LDLRAD4: variants seen among roughly 807,000 people sequenced by gnomAD.
LDLRAD4 encodes low density lipoprotein receptor class A domain containing 4.
A neutral mutation model predicts 17.0 loss-of-function variants in LDLRAD4; 5 were observed. The observed-to-expected ratio is 0.29, with a 90% CI of 0.15 to 0.62. The LOEUF (loss-of-function observed/expected upper bound fraction) is 0.62. Ranked by LOEUF, LDLRAD4 falls within the 20% of genes least tolerant of loss-of-function variation. The pLI is 0.84. For synonymous variants in LDLRAD4, 168 were observed against 171.8 expected (o/e 0.98, Z 0.17); for missense variants, 340 against 424.7 (o/e 0.80, Z 1.75).
At chr18:13,533,858 G>A (rs1363277542) in intron 3 of LDLRAD4, among the ~76,000 whole-genome samples, 3 of 152,146 alleles carry the variant, frequency 2.0e-5, no homozygotes, top group South Asian at 2.1e-4. Context: ...GTAAAGGACC[G>A]GGGAGACTTG....
At chr18:13,597,368 C>T (rs577380679) in intron 3 of LDLRAD4, among the ~76,000 whole-genome samples, 2 of 152,196 alleles carry the variant, frequency 1.3e-5, no homozygotes, top group Admixed American at 6.5e-5. Context: ...GCATTTTTAC[C>T]ATGATGTGCC....
At chr18:13,612,172 G>A (rs1026202442) in intron 3 of LDLRAD4, 164 of 987,084 alleles carry the variant, frequency 1.7e-4, no homozygotes, top group Non-Finnish European at 2.0e-4. Context: ...GGACTGGTTT[G>A]ATATTTGCCT....
intron 3 of LDLRAD4, among the ~76,000 whole-genome samples, chr18:13,458,575 A>G (rs1477424686): frequency 6.6e-6 from 1 of 152,252 alleles, no homozygotes; most frequent in African/African-American, 2.4e-5. Context: ...GGTAGGCAGA[A>G]TAATGCCCCC....
chr18:13,375,821 C>G (rs1312304550), intron 1 of LDLRAD4, among the ~76,000 whole-genome samples: 1 of 152,160 alleles, frequency 6.6e-6, no homozygotes, highest in African/African-American at 2.4e-5. Flanking sequence ...CTCGTTTCCT[C>G]CCGCCCGCCA....
chr18:13,361,444 G>C (rs2083663042), intron 1 of LDLRAD4, among the ~76,000 whole-genome samples: 1 of 152,168 alleles, frequency 6.6e-6, no homozygotes, highest in Non-Finnish European at 1.5e-5. Context: ...AGCATTCTGA[G>C]TACTTCTTGT....
At chr18:13,567,355 C>T (rs1039343466) in intron 3 of LDLRAD4, among the ~76,000 whole-genome samples, 2 of 152,160 alleles carry the variant, frequency 1.3e-5, no homozygotes, top group African/African-American at 4.8e-5. Context: ...AGATGAGGGG[C>T]TTGTTGACCT....
chr18:13,276,163 C>A (rs2044855638), upstream of LDLRAD4, among the ~76,000 whole-genome samples: 1 of 152,106 alleles, frequency 6.6e-6, no homozygotes, highest in South Asian at 2.1e-4. Flanking sequence ...TGTGCACCAC[C>A]ACGCTCAGCT....
chr18:13,482,511 T>A (rs1196376506), intron 3 of LDLRAD4, among the ~76,000 whole-genome samples: 1 of 152,214 alleles, frequency 6.6e-6, no homozygotes, highest in Non-Finnish European at 1.5e-5. Flanking sequence ...AGTATTTCAG[T>A]TCCCCCCATC....
chr18:13,610,308 G>T (rs2039422615), intron 3 of LDLRAD4, among the ~76,000 whole-genome samples: 1 of 33,322 alleles, frequency 3.0e-5, no homozygotes, highest in Non-Finnish European at 6.6e-5. Context: ...TTTTTTTTGA[G>T]ACGGAGTCTC....
intron 2 of LDLRAD4, among the ~76,000 whole-genome samples, chr18:13,423,862 C>T (rs936900838): frequency 6.6e-6 from 1 of 152,034 alleles, no homozygotes; most frequent in Non-Finnish European, 1.5e-5. Context: ...AGGCCTGGTG[C>T]GATGGCTCAT....
At chr18:13,332,827 G>A (rs1004968744) in intron 1 of LDLRAD4, among the ~76,000 whole-genome samples, 9 of 151,926 alleles carry the variant, frequency 5.9e-5, no homozygotes, top group Admixed American at 4.6e-4. Context: ...GAAAGACATG[G>A]TAGTTACTTC....
intron 3 of LDLRAD4, chr18:13,616,301 A>T (rs1217524008): frequency 6.6e-6 from 1 of 151,512 alleles, no homozygotes; most frequent in African/African-American, 2.4e-5. Context: ...AAAGGGGGTC[A>T]TGGAGGGAGA....
chr18:13,575,140 T>C (rs533822580), intron 3 of LDLRAD4, among the ~76,000 whole-genome samples: 1 of 152,230 alleles, frequency 6.6e-6, no homozygotes. Context: ...GAAAGTTATT[T>C]AGTGGTGATT....
At chr18:13,623,054 C>G (rs1199323520) in intron 4 of LDLRAD4, among the ~76,000 whole-genome samples, 1 of 152,262 alleles carries the variant, frequency 6.6e-6, no homozygotes, top group African/African-American at 2.4e-5. Context: ...GCCCCGCTTG[C>G]TGTCCCTGTT....
At chr18:13,335,651 G>A (rs2082068750) in intron 1 of LDLRAD4, among the ~76,000 whole-genome samples, 2 of 152,142 alleles carry the variant, frequency 1.3e-5, no homozygotes, top group Non-Finnish European at 2.9e-5. Flanking sequence ...ATTGGGTCAG[G>A]AATTCCGGAA....
intron 3 of LDLRAD4, among the ~76,000 whole-genome samples, chr18:13,528,009 A>G (rs1435475967): frequency 6.6e-6 from 1 of 151,728 alleles, no homozygotes; most frequent in South Asian, 2.1e-4. Flanking sequence ...AGGCTGGGAC[A>G]CTCCCTCCTG....
intron 3 of LDLRAD4, among the ~76,000 whole-genome samples, chr18:13,485,701 G>C (rs572762729): frequency 4.3e-4 from 65 of 152,282 alleles, no homozygotes; most frequent in African/African-American, 1.5e-3. Context: ...AGTGCCATCT[G>C]TGTGATAGAA....
chr18:13,260,558 A>G (rs2043758868), intron 1 of LDLRAD4, among the ~76,000 whole-genome samples: 1 of 152,196 alleles, frequency 6.6e-6, no homozygotes, highest in Non-Finnish European at 1.5e-5. Context: ...GCATGTGACA[A>G]TTAGTGGGAG....
At chr18:13,388,822 G>C (rs930860164) in intron 2 of LDLRAD4, among the ~76,000 whole-genome samples, 1 of 152,236 alleles carries the variant, frequency 6.6e-6, no homozygotes, top group African/African-American at 2.4e-5. Context: ...AACCTCGGCC[G>C]CTTCCGTGCG....
Sources: gnomAD v4.1 joint callset for allele counts (sites outside exome capture counted in the v4.1 genomes callset) on GRCh38, gnomAD v4.1.1 for gene constraint, MANE v1.5 for transcripts, NCBI Gene and HGNC (gene_info 2026-07-23, HGNC 2026-07-21) for gene names.